PHACTR1: variants seen among roughly 807,000 people sequenced by gnomAD.
PHACTR1 encodes RPEL repeat containing 1.
Under a neutral mutation model 69.2 loss-of-function variants are expected in PHACTR1, and 16 were observed. The observed-to-expected ratio is 0.23, with a 90% CI of 0.16 to 0.35. The LOEUF is 0.35. Among genes scored for constraint, PHACTR1 ranks in the 10% least tolerant of loss-of-function variants. PHACTR1 has a pLI of 1.00. For synonymous variants in PHACTR1, 312 were observed against 284.5 expected (o/e 1.10, Z -0.97); for missense variants, 510 against 734.7 (o/e 0.69, Z 3.54).
chr6:12,934,666 T>C lies in PHACTR1; in HGVS notation c.251-118699T>C, dbSNP rs578165976. 5.2e-4 allele frequency among the ~76,000 whole-genome samples: 79 copies of C among 152,158 alleles called. 1 individual carries two copies. The South Asian group carries it at 0.016, about 31-fold the overall frequency. ...GCCTGGCCAATATGGTGAAACCCCGTCTCTAATAAAAATACAAAAATTAGT... is the reference window on the plus strand; with the variant it reads ...GCCTGGCCAATATGGTGAAACCCCGCCTCTAATAAAAATACAAAAATTAGT... On this transcript the variant is annotated intron_variant, in intron 4 of 14. Transcript: ENST00000332995.
chr6:13,244,225 C>T (rs202058), intron 10 of PHACTR1, among the ~76,000 whole-genome samples: 31,418 of 151,922 alleles, frequency 0.21, 4,968 homozygotes, highest in African/African-American at 0.43. Flanking sequence ...GGAGGGAGTG[C>T]GCGAATAGGT....
intron 5 of PHACTR1, among the ~76,000 whole-genome samples, chr6:13,072,952 C>T (rs560541342): frequency 2.0e-5 from 3 of 152,232 alleles, no homozygotes; most frequent in South Asian, 2.1e-4. Context: ...GATGTTCCGG[C>T]ATTAGACAGT....
rs529406708 is a variant in PHACTR1 at position 13,039,740 on chromosome 6, A to G, written c.251-13625A>G. Among the ~76,000 whole-genome samples, 8 of 152,348 alleles carry G rather than the reference A, an allele frequency of 5.3e-5. No individual in the cohort carries two copies. In the East Asian group the frequency reaches 1.3e-3, roughly 26 times the overall value. Reference sequence around the variant, plus strand: ...CAGAAACCAATTGAAATGATCATTAAGAAACAGAATGCAAAGATAGCAGGG... The same window carrying G: ...CAGAAACCAATTGAAATGATCATTAGGAAACAGAATGCAAAGATAGCAGGG... On this transcript the variant is annotated intron_variant, in intron 4 of 14. Coordinates refer to ENST00000332995, the MANE Select transcript of PHACTR1 (RefSeq NM_030948.6).
At chr6:12,828,505 C>T (rs921534804) in intron 4 of PHACTR1, among the ~76,000 whole-genome samples, 7 of 151,842 alleles carry the variant, frequency 4.6e-5, no homozygotes, top group African/African-American at 9.7e-5. Flanking sequence ...TTCTTTTATT[C>T]GTAATATTGG....
intron 4 of PHACTR1, among the ~76,000 whole-genome samples, chr6:12,797,479 C>A (rs1394733319): frequency 2.0e-5 from 3 of 152,160 alleles, no homozygotes; most frequent in Non-Finnish European, 4.4e-5. Flanking sequence ...TTCTTTCCAG[C>A]AGTCATTCCT....
chr6:13,062,685 C>T (rs916037815), intron 5 of PHACTR1, among the ~76,000 whole-genome samples: 2 of 152,142 alleles, frequency 1.3e-5, no homozygotes, highest in African/African-American at 4.8e-5. Flanking sequence ...ATCAGGAAAC[C>T]CTAGCATGCC....
chr6:12,992,472 G>T (rs982063038), intron 4 of PHACTR1, among the ~76,000 whole-genome samples: 20 of 152,138 alleles, frequency 1.3e-4, no homozygotes, highest in Non-Finnish European at 4.4e-5. Context: ...AGGTTCCATA[G>T]ACATCTCCCA....
intron 4 of PHACTR1, among the ~76,000 whole-genome samples, chr6:12,918,055 G>A (rs748155159): frequency 2.0e-5 from 3 of 152,184 alleles, no homozygotes; most frequent in Non-Finnish European, 2.9e-5. Context: ...CAGGAATGGC[G>A]TGTCACTCTT....
chr6:12,879,937 T>C (rs974890317), intron 4 of PHACTR1, among the ~76,000 whole-genome samples: 3 of 152,184 alleles, frequency 2.0e-5, no homozygotes, highest in Non-Finnish European at 4.4e-5. Context: ...TACACATATC[T>C]AATAATTTGA....
intron 4 of PHACTR1, among the ~76,000 whole-genome samples, chr6:12,986,397 A>T (rs547380905): frequency 6.6e-6 from 1 of 152,348 alleles, no homozygotes; most frequent in South Asian, 2.1e-4. Context: ...AATAGTTCTA[A>T]CATAAAAGAT....
intron 10 of PHACTR1, 157 bp from the exon 11 acceptor site, chr6:13,272,703 G>A: frequency 6.4e-7 from 1 of 1,573,796 alleles, no homozygotes; most frequent in Non-Finnish European, 8.6e-7. Flanking sequence ...TTGAGGAACT[G>A]AGGAGGCGGT....
intron 5 of PHACTR1, among the ~76,000 whole-genome samples, chr6:13,158,336 G>A (rs1583633853): frequency 6.6e-6 from 1 of 151,934 alleles, no homozygotes; most frequent in East Asian, 1.9e-4. Flanking sequence ...TAAAACTCTT[G>A]AACCCCCACA....
chr6:12,760,464 A>G (rs1767899210), intron 4 of PHACTR1, among the ~76,000 whole-genome samples: 1 of 152,226 alleles, frequency 6.6e-6, no homozygotes. Flanking sequence ...GACCTACTGG[A>G]AATTCCAATA....
In PHACTR1 at chr6:12,899,830, C is replaced by T. The variant is rs931499434; in HGVS notation, c.250+150040C>T. On this transcript the variant is annotated intron_variant, in intron 4 of 14. Coordinates refer to ENST00000332995, the MANE Select transcript of PHACTR1 (RefSeq NM_030948.6). ...TTTCCAGCATGGCATGAGCTCACTG[C>T]GCAGGAGACTGCACGCCCGGGTCTG... is the stretch of plus-strand genomic sequence containing the variant. Among the ~76,000 whole-genome samples, 23 of 152,320 alleles carry T rather than the reference C, an allele frequency of 1.5e-4. 1 individual carries two copies. In the South Asian group the frequency reaches 2.5e-3, roughly 16 times the overall value.
intron 10 of PHACTR1, among the ~76,000 whole-genome samples, chr6:13,230,962 G>A (rs1277689243): frequency 6.6e-6 from 1 of 150,510 alleles, no homozygotes; most frequent in Non-Finnish European, 1.5e-5. Context: ...GCTGCAGTGA[G>A]CCATTATTGT....
chr6:12,904,387 A>T (rs555645210), intron 4 of PHACTR1, among the ~76,000 whole-genome samples: 2 of 152,160 alleles, frequency 1.3e-5, no homozygotes, highest in African/African-American at 4.8e-5. Context: ...CAAAAAAAAT[A>T]GCCAGGCGTG....
chr6:13,092,245 C>G (rs1024421579), intron 5 of PHACTR1, among the ~76,000 whole-genome samples: 7 of 152,212 alleles, frequency 4.6e-5, no homozygotes, highest in African/African-American at 1.7e-4. Flanking sequence ...CAGTTCCTAA[C>G]AGGCCACAGA....
chr6:13,158,405 C>T (rs1244724767), intron 5 of PHACTR1, among the ~76,000 whole-genome samples: 1 of 152,160 alleles, frequency 6.6e-6, no homozygotes, highest in Non-Finnish European at 1.5e-5. Flanking sequence ...CCATATAGCC[C>T]TCCTGCCGTC....
At chr6:12,865,328 A>G (rs1205737733) in intron 4 of PHACTR1, among the ~76,000 whole-genome samples, 1 of 152,228 alleles carries the variant, frequency 6.6e-6, no homozygotes, top group East Asian at 1.9e-4. Flanking sequence ...TGATGGTATC[A>G]TGGGAGCAGA....
Sources: gnomAD v4.1 joint callset for allele counts (sites outside exome capture counted in the v4.1 genomes callset) on GRCh38, gnomAD v4.1.1 for gene constraint, MANE v1.5 for transcripts, NCBI Gene and HGNC (gene_info 2026-07-23, HGNC 2026-07-21) for gene names.